The following CLIC4 variants were observed in gnomAD, a reference collection of about 807,000 sequenced individuals.
The protein encoded by CLIC4 is chloride intracellular channel protein 4.
Under a neutral mutation model 24.6 loss-of-function variants are expected in CLIC4, and 13 were observed. The observed-to-expected ratio is 0.53, with a 90% CI of 0.34 to 0.84. The LOEUF (loss-of-function observed/expected upper bound fraction) is 0.84, where lower values mean the gene tolerates loss of function less well. Among genes scored for constraint, CLIC4 ranks in the 40% least tolerant of loss-of-function variants. The pLI is 0.01. For missense variants in CLIC4, 227 were observed against 301.7 expected, an observed-to-expected ratio of 0.75 and a Z score of 1.83; for synonymous variants, 104 against 111.3, an observed-to-expected ratio of 0.93 and a Z score of 0.41.
chr1:24,822,085 A>G (rs1234631280), intron 3 of CLIC4, among the ~76,000 whole-genome samples: 2 of 152,234 alleles, frequency 1.3e-5, no homozygotes, highest in African/African-American at 4.8e-5. Flanking sequence ...GAGCAGGGAT[A>G]CTTTTGAAGC....
chr1:24,760,836 A>T (rs981103751), intron 1 of CLIC4, among the ~76,000 whole-genome samples: 3 of 152,088 alleles, frequency 2.0e-5, no homozygotes, highest in African/African-American at 7.2e-5. Context: ...TTTTTGAAGT[A>T]GGTTAAGGAG....
intron 1 of CLIC4, among the ~76,000 whole-genome samples, chr1:24,771,063 A>G (rs1407938990): frequency 6.6e-6 from 1 of 152,224 alleles, no homozygotes; most frequent in African/African-American, 2.4e-5. Flanking sequence ...GTTCCTTCTT[A>G]GAGCCCTTTG....
chr1:24,800,667 G>C lies in CLIC4; in HGVS notation c.182+2816G>C, dbSNP rs370614682. Among the ~76,000 whole-genome samples, 62 of 152,302 alleles carry C rather than the reference G, an allele frequency of 4.1e-4. 2 individuals are homozygous for C. In the South Asian group the frequency reaches 9.1e-3, roughly 22 times the overall value. Reference sequence around the variant, plus strand: ...AAGATTGAGAAATCGGATGGTTGCCGTGTCTGTGTAGAAAGAAGTAGACAT... The same window carrying C: ...AAGATTGAGAAATCGGATGGTTGCCCTGTCTGTGTAGAAAGAAGTAGACAT... On this transcript the variant is annotated intron_variant, in intron 2 of 5. Coordinates refer to ENST00000374379, the MANE Select transcript of CLIC4 (RefSeq NM_013943.3).
At chr1:24,769,019 C>G (rs567233714) in intron 1 of CLIC4, among the ~76,000 whole-genome samples, 34 of 151,942 alleles carry the variant, frequency 2.2e-4, no homozygotes, top group African/African-American at 7.5e-4. Flanking sequence ...GTGGCACATG[C>G]CTGTGGTCTC....
At chr1:24,779,427 G>A (rs1013090067) in intron 1 of CLIC4, among the ~76,000 whole-genome samples, 2 of 152,130 alleles carry the variant, frequency 1.3e-5, no homozygotes, top group African/African-American at 4.8e-5. Context: ...CCGTGATTGC[G>A]CCACTGTACT....
At chr1:24,811,155 C>T (rs1639610923) in intron 2 of CLIC4, among the ~76,000 whole-genome samples, 1 of 151,810 alleles carries the variant, frequency 6.6e-6, no homozygotes, top group Non-Finnish European at 1.5e-5. Context: ...TACCATAAAA[C>T]ATTTTTAATG....
chr1:24,760,038 C>G (rs1638901557), intron 1 of CLIC4, among the ~76,000 whole-genome samples: 1 of 152,082 alleles, frequency 6.6e-6, no homozygotes, highest in African/African-American at 2.4e-5. Context: ...TAATTTTGAT[C>G]TATCTAAAAT....
chr1:24,843,358 A>AGACAGT lies in CLIC4; in HGVS notation c.*2422_*2427dup, dbSNP rs1639961862. On this transcript the variant is annotated 3_prime_UTR_variant, in exon 6 of 6. Transcript: ENST00000374379. ...ATTTGGGACATAAAGTTTTCATGGT[A>AGACAGT]GACAGTTCATGCAGTATATGAATTG... 6.6e-6 allele frequency: 1 copy of AGACAGT among 152,210 alleles called. No individual in the cohort carries two copies. The highest frequency in any genetic ancestry group is 1.5e-5 in the Non-Finnish European group (1 of 68,016). 9.4% of individuals were successfully genotyped at this position (152,210 alleles called of 1,614,324 possible). A position where few individuals can be genotyped will look rare whatever the true frequency, so the allele number is the denominator to read the frequency against.
intron 1 of CLIC4, among the ~76,000 whole-genome samples, chr1:24,757,101 G>C (rs1461250013): frequency 1.3e-5 from 2 of 151,988 alleles, no homozygotes; most frequent in Non-Finnish European, 1.5e-5. Context: ...CTCCATGTTG[G>C]TCAAGCTAGT....
At chr1:24,809,057 A>G (rs1198493463) in intron 2 of CLIC4, among the ~76,000 whole-genome samples, 2 of 152,254 alleles carry the variant, frequency 1.3e-5, no homozygotes, top group Non-Finnish European at 2.9e-5. Flanking sequence ...GACTTATTTC[A>G]TTTTGTGAAA....
At chr1:24,797,229 G>GGT (rs1451660667) in intron 1 of CLIC4, among the ~76,000 whole-genome samples, 1 of 151,490 alleles carries the variant, frequency 6.6e-6, no homozygotes, top group Non-Finnish European at 1.5e-5. Context: ...TGGGATTACA[G>GGT]GTGTGTGCCA....
rs145962746 is a variant in CLIC4 at position 24,745,559 on chromosome 1, G to A, written c.6G>A (p.Ala2=). 6.9e-6 allele frequency: 11 copies of A among 1,588,182 alleles called. No homozygotes were observed. Among genetic ancestry groups the A allele is most frequent in the African/African-American group, 5.5e-5 (4 of 72,840 alleles). M[A]LSMPLNGLKE... ...GGAGCGCAGCCGAGCCGGCCATGGC[G>A]TTGTCGATGCCGCTGAATGGGCTGA... Residue 2 remains alanine (A), a synonymous_variant, in exon 1 of 6, where the codon GCG becomes GCA. Coordinates refer to ENST00000374379, the MANE Select transcript of CLIC4 (RefSeq NM_013943.3).
chr1:24,771,905 G>A, intron 1 of CLIC4: 1 of 511,904 alleles, frequency 2.0e-6, no homozygotes, highest in Non-Finnish European at 3.9e-6. Context: ...GTATTTCTTG[G>A]AGGTGATGTT....
intron 2 of CLIC4, among the ~76,000 whole-genome samples, chr1:24,803,889 A>T (rs542590502): frequency 1.3e-5 from 2 of 152,160 alleles, no homozygotes; most frequent in East Asian, 3.8e-4. Flanking sequence ...CTTATATTTA[A>T]AATCAGGAGA....
Position 24,839,885 on chromosome 1 carries a change from C to T in CLIC4, c.441C>T (p.Thr147=). ...NEALERGLLK[T]LQKLDEYLNS... is the part of the protein sequence containing the mutation. Reference sequence around the variant, plus strand: ...CACTGGAGAGGGGTCTCCTGAAAACCCTGCAGAAACTGGATGAATATCTGA... The same window carrying T: ...CACTGGAGAGGGGTCTCCTGAAAACTCTGCAGAAACTGGATGAATATCTGA... Residue 147 remains threonine (T), a synonymous_variant, in exon 5 of 6, where the codon ACC becomes ACT. Coordinates refer to ENST00000374379, the MANE Select transcript of CLIC4 (RefSeq NM_013943.3). 2 of 1,612,004 alleles carry T rather than the reference C, an allele frequency of 1.2e-6. No homozygotes were observed. Among genetic ancestry groups the T allele is most frequent in the East Asian group, 2.2e-5 (1 of 44,868 alleles).
chr1:24,831,548 A>C (rs1557815426), intron 4 of CLIC4, among the ~76,000 whole-genome samples: 1 of 152,312 alleles, frequency 6.6e-6, no homozygotes, highest in East Asian at 1.9e-4. Flanking sequence ...TATCTTCCCC[A>C]CAGACTGATT....
chr1:24,825,542 C>T (rs1639779494), intron 3 of CLIC4, among the ~76,000 whole-genome samples: 1 of 152,046 alleles, frequency 6.6e-6, no homozygotes, highest in African/African-American at 2.4e-5. Context: ...GTAATTTTTA[C>T]AGAAAAACTC....
At chr1:24,799,618 C>T (rs1386996436) in intron 2 of CLIC4, among the ~76,000 whole-genome samples, 100 of 144,408 alleles carry the variant, frequency 6.9e-4, no homozygotes, top group African/African-American at 2.2e-3. Flanking sequence ...AGCCCCCCGC[C>T]CGGCCAGCCG....
chr1:24,809,820 A>G (rs1043100087), intron 2 of CLIC4, among the ~76,000 whole-genome samples: 1 of 152,244 alleles, frequency 6.6e-6, no homozygotes, highest in African/African-American at 2.4e-5. Context: ...GGAAGAAGGA[A>G]GGCAGGCAGG....
Sources: gnomAD v4.1 joint callset for allele counts (sites outside exome capture counted in the v4.1 genomes callset) on GRCh38, gnomAD v4.1.1 for gene constraint, MANE v1.5 for transcripts, NCBI Gene and HGNC (gene_info 2026-07-23, HGNC 2026-07-21) for gene names.